Variants in GAB1 observed in about 807,000 individuals in gnomAD.
The protein encoded by GAB1 is GRB2-associated-binding protein 1.
Under a neutral mutation model 66.5 loss-of-function variants are expected in GAB1, and 19 were observed. The ratio of observed to expected loss-of-function variants is 0.29; its 90% CI spans 0.20 to 0.42. The LOEUF is 0.42. GAB1 is among the 10% of genes least tolerant of loss of function. The pLI, the probability that GAB1 is intolerant of heterozygous loss-of-function variation, is 1.00. For missense variants in GAB1, 732 were observed against 858.5 expected, an observed-to-expected ratio of 0.85 and a Z score of 1.84; for synonymous variants, 294 against 301.4, an observed-to-expected ratio of 0.98 and a Z score of 0.25.
At chr4:143,371,569 C>A (rs928062825) in intron 1 of GAB1, among the ~76,000 whole-genome samples, 1 of 152,162 alleles carries the variant, frequency 6.6e-6, no homozygotes, top group African/African-American at 2.4e-5. Flanking sequence ...TCCCATTTGT[C>A]AATTTTGGCT....
chr4:143,357,141 AAACTTAATGTGTGAAT>A (rs1729478662), intron 1 of GAB1, among the ~76,000 whole-genome samples: 1 of 152,154 alleles, frequency 6.6e-6, no homozygotes, highest in Non-Finnish European at 1.5e-5. Context: ...CCTCTTCTGC[AAACTTAATGTGTGAAT>A]ACCAGTGGTT....
intron 1 of GAB1, among the ~76,000 whole-genome samples, chr4:143,408,457 C>G (rs910826439): frequency 9.2e-5 from 14 of 152,122 alleles, no homozygotes; most frequent in African/African-American, 3.4e-4. Context: ...TATAAACACA[C>G]AGTTTGTGCT....
intron 1 of GAB1, among the ~76,000 whole-genome samples, chr4:143,377,304 A>G (rs147873826): frequency 6.8e-4 from 103 of 152,336 alleles, no homozygotes; most frequent in African/African-American, 2.4e-3. Context: ...AGTGGTTGCA[A>G]CAATGCTTTG....
In GAB1 at chr4:143,443,071, C is replaced by T. The variant is rs551612020; in HGVS notation, c.1585+2689C>T. Among the ~76,000 whole-genome samples, 8 of 142,540 alleles carry T rather than the reference C, an allele frequency of 5.6e-5. No homozygotes were observed. The East Asian group carries it at 1.6e-3, about 29-fold the overall frequency. 93.5% of individuals were successfully genotyped at this position (142,540 alleles called of 152,430 possible). ...TCGCTCTGTTGCCCAGGCTGGAGTG[C>T]AGTGGCGCGATCTCGGCTCACTGCA... On this transcript the variant is annotated intron_variant, in intron 6 of 9. Coordinates refer to ENST00000262994, the MANE Select transcript of GAB1 (RefSeq NM_002039.4).
intron 1 of GAB1, among the ~76,000 whole-genome samples, chr4:143,375,521 C>T (rs2149671410): frequency 6.6e-6 from 1 of 152,284 alleles, no homozygotes; most frequent in Non-Finnish European, 1.5e-5. Flanking sequence ...TGCCTCCCAA[C>T]ATTGATCATG....
At chr4:143,433,344 C>T (rs1207356710) in intron 2 of GAB1, 147 bp from the exon 3 acceptor site, 11 of 632,844 alleles carry the variant, frequency 1.7e-5, no homozygotes, top group East Asian at 2.7e-5. Flanking sequence ...GTATAAAGGT[C>T]GCCATTTAGA....
intron 2 of GAB1, among the ~76,000 whole-genome samples, chr4:143,432,434 G>A (rs979854420): frequency 6.6e-6 from 1 of 151,982 alleles, no homozygotes; most frequent in Non-Finnish European, 1.5e-5. Context: ...ACACATTGAA[G>A]GACACTTTGA....
chr4:143,440,112 T>C lies in GAB1; in HGVS notation c.1315T>C (p.Ser439Pro), dbSNP rs763734073. ...AAATGTGTTGACAGTGGGAAGTGTT[T>C]CAAGTGAAGAACTGGATGAAAATTA... ...VKNVLTVGSV[S>P]SEELDENYVP... Residue 439 changes from serine (S) to proline (P), a missense_variant, in exon 6 of 10, where the codon TCA becomes CCA. Transcript: ENST00000262994. 3.7e-6 allele frequency: 6 copies of C among 1,614,132 alleles called. No homozygotes were observed. The highest frequency in any genetic ancestry group is 5.1e-6 in the Non-Finnish European group (6 of 1,179,990).
chr4:143,428,063 C>T (rs1010803451), intron 2 of GAB1, among the ~76,000 whole-genome samples: 2 of 152,172 alleles, frequency 1.3e-5, no homozygotes, highest in Non-Finnish European at 2.9e-5. Context: ...CCTATCTCCC[C>T]TGCTGTCAGT....
intron 1 of GAB1, among the ~76,000 whole-genome samples, chr4:143,393,071 T>G (rs1368123869): frequency 2.0e-5 from 3 of 152,138 alleles, no homozygotes; most frequent in Non-Finnish European, 1.5e-5. Flanking sequence ...CTGCTTACAT[T>G]GAATCTTTCA....
At chr4:143,392,460 T>C (rs1202510372) in intron 1 of GAB1, among the ~76,000 whole-genome samples, 2 of 152,166 alleles carry the variant, frequency 1.3e-5, no homozygotes, top group Admixed American at 6.5e-5. Flanking sequence ...GCTTTTGATT[T>C]TTAAAAGACA....
At chr4:143,457,595 CTTTTTTTT>C in intron 6 of GAB1, 1 of 294,424 alleles carries the variant, frequency 3.4e-6, no homozygotes, top group Non-Finnish European at 5.9e-6. Flanking sequence ...GGCTCTGTTG[CTTTTTTTT>C]TTTTTTTTTT....
intron 2 of GAB1, chr4:143,424,951 C>A (rs1578694645): frequency 7.1e-6 from 4 of 565,562 alleles, no homozygotes; most frequent in Admixed American, 3.0e-5. Context: ...GAGACTCCGA[C>A]TTTAAAAAAA....
At chr4:143,344,872 A>G (rs931551187) in intron 1 of GAB1, among the ~76,000 whole-genome samples, 4 of 152,250 alleles carry the variant, frequency 2.6e-5, no homozygotes, top group African/African-American at 4.8e-5. Context: ...AATAAAGTAC[A>G]CTATAACCTA....
At position 143,469,509 on chromosome 4, in the gene GAB1, G is replaced by A. The variant is rs1416819324; in HGVS notation, c.*320G>A. 4.7e-6 allele frequency: 1 copy of A among 212,534 alleles called. No homozygotes were observed. Among genetic ancestry groups the A allele is most frequent in the African/African-American group, 2.2e-5 (1 of 44,646 alleles). The allele number at this position is 212,534 out of a possible 1,614,324, so 13.2% of individuals were successfully genotyped here. On this transcript the variant is annotated 3_prime_UTR_variant, in exon 10 of 10. Coordinates refer to ENST00000262994, the MANE Select transcript of GAB1 (RefSeq NM_002039.4). Reference sequence around the variant, plus strand: ...AAACATTGTTCTGGGTTTTCCCAATGTACCTTACCATAATTCCTTTGGGAG... The same window carrying A: ...AAACATTGTTCTGGGTTTTCCCAATATACCTTACCATAATTCCTTTGGGAG...
intron 1 of GAB1, among the ~76,000 whole-genome samples, chr4:143,355,108 C>G (rs1199033182): frequency 6.6e-6 from 1 of 152,092 alleles, no homozygotes; most frequent in Non-Finnish European, 1.5e-5. Flanking sequence ...GAAAATGACT[C>G]AAAGAGGATA....
chr4:143,341,011 G>A (rs1161647784), intron 1 of GAB1, among the ~76,000 whole-genome samples: 2 of 152,204 alleles, frequency 1.3e-5, no homozygotes, highest in African/African-American at 4.8e-5. Context: ...GTAGTCAGCA[G>A]ATTCCCCAGC....
intron 2 of GAB1, among the ~76,000 whole-genome samples, chr4:143,432,244 C>T (rs994856573): frequency 1.3e-5 from 2 of 152,174 alleles, no homozygotes; most frequent in African/African-American, 4.8e-5. Context: ...AGGCATAATT[C>T]CCTCTAACCT....
chr4:143,424,946 TCCGA>T (rs1031553649), intron 2 of GAB1: 1 of 567,860 alleles, frequency 1.8e-6, no homozygotes, highest in African/African-American at 2.2e-5. Flanking sequence ...AGAGCGAGAC[TCCGA>T]CTTTAAAAAA....
Sources: allele counts gnomAD v4.1 joint callset (sites outside exome capture counted in the v4.1 genomes callset), GRCh38; gene constraint gnomAD v4.1.1; transcripts MANE v1.5; gene names NCBI Gene and HGNC (gene_info 2026-07-23, HGNC 2026-07-21).